WWOX: variants seen among roughly 807,000 people sequenced by gnomAD.
WWOX encodes the protein WW domain-containing oxidoreductase.
In WWOX, 69 loss-of-function variants were observed where a neutral mutation model predicts 46.2. The ratio of observed to expected loss-of-function variants is 1.49; its 90% CI spans 1.23 to 1.82. WWOX has a LOEUF of 1.82. WWOX is among the 40% of genes most tolerant of loss of function. The pLI is 0.00. For missense variants in WWOX, 919 were observed against 542.6 expected, an observed-to-expected ratio of 1.69 and a Z score of -6.89; for synonymous variants, 359 against 202.6, an observed-to-expected ratio of 1.77 and a Z score of -6.56.
intron 8 of WWOX, among the ~76,000 whole-genome samples, chr16:78,508,212 T>C (rs1349923976): frequency 1.3e-5 from 2 of 151,902 alleles, no homozygotes; most frequent in South Asian, 2.1e-4. Context: ...GGTTTCGCCA[T>C]GTTGGCCGGG....
At chr16:79,114,263 C>T (rs1019675001) in intron 8 of WWOX, among the ~76,000 whole-genome samples, 8 of 151,898 alleles carry the variant, frequency 5.3e-5, no homozygotes, top group African/African-American at 1.9e-4. Context: ...AGGGTCTTTG[C>T]AGATGTCATC....
chr16:78,533,394 T>C (rs1311350063), intron 8 of WWOX, among the ~76,000 whole-genome samples: 3 of 142,898 alleles, frequency 2.1e-5, no homozygotes, highest in Non-Finnish European at 3.1e-5. Context: ...GCACATAATA[T>C]ACAATTGTTG....
At chr16:78,899,728 T>A (rs1338841582) in intron 8 of WWOX, 1 of 152,206 alleles carries the variant, frequency 6.6e-6, no homozygotes, top group Non-Finnish European at 1.5e-5. Flanking sequence ...GTTTTAAAAG[T>A]TTAAGGAGAT....
intron 5 of WWOX, among the ~76,000 whole-genome samples, chr16:78,247,623 C>G (rs1367596987): frequency 6.6e-6 from 1 of 152,194 alleles, no homozygotes; most frequent in African/African-American, 2.4e-5. Context: ...CACCTGCCCC[C>G]TGCCCCTTAT....
chr16:79,091,647 C>G (rs546303256), intron 8 of WWOX, among the ~76,000 whole-genome samples: 1 of 152,126 alleles, frequency 6.6e-6, no homozygotes, highest in Non-Finnish European at 1.5e-5. Flanking sequence ...AATTTAGAAG[C>G]TCCTACTGAC....
intron 8 of WWOX, among the ~76,000 whole-genome samples, chr16:78,641,467 C>G (rs1017684729): frequency 6.6e-6 from 1 of 152,082 alleles, no homozygotes; most frequent in African/African-American, 2.4e-5. Context: ...AACCTCTCCC[C>G]ACCCAATCCC....
chr16:78,678,310 A>T (rs2047651604), intron 8 of WWOX, among the ~76,000 whole-genome samples: 1 of 152,186 alleles, frequency 6.6e-6, no homozygotes, highest in Non-Finnish European at 1.5e-5. Flanking sequence ...CAGGAGGTCA[A>T]GGCTGCAGTA....
intron 8 of WWOX, among the ~76,000 whole-genome samples, chr16:78,798,440 T>C (rs1201118056): frequency 1.3e-5 from 2 of 152,198 alleles, no homozygotes; most frequent in Non-Finnish European, 2.9e-5. Context: ...AAAGCTATTT[T>C]ATCATTAATA....
At chr16:78,904,837 A>T (rs1218545827) in intron 8 of WWOX, among the ~76,000 whole-genome samples, 1 of 152,154 alleles carries the variant, frequency 6.6e-6, no homozygotes, top group African/African-American at 2.4e-5. Flanking sequence ...TTCTTAATTA[A>T]GTGCAGGAAA....
chr16:79,175,238 GC>G (rs1046592435), intron 8 of WWOX, among the ~76,000 whole-genome samples: 1 of 152,206 alleles, frequency 6.6e-6, no homozygotes, highest in Non-Finnish European at 1.5e-5. Flanking sequence ...TTGCTGAAGT[GC>G]TTCTCAGTGA....
intron 8 of WWOX, among the ~76,000 whole-genome samples, chr16:79,187,921 C>A (rs186792764): frequency 6.6e-6 from 1 of 152,058 alleles, no homozygotes. Flanking sequence ...TTCCTGTGCA[C>A]CAGGCATGGA....
chr16:78,643,572 C>A (rs1221029994), intron 8 of WWOX, among the ~76,000 whole-genome samples: 1 of 152,112 alleles, frequency 6.6e-6, no homozygotes, highest in South Asian at 2.1e-4. Context: ...GCCTTCCAGC[C>A]CCCTGTAGGA....
intron 5 of WWOX, among the ~76,000 whole-genome samples, chr16:78,306,361 C>T (rs976314445): frequency 6.6e-6 from 1 of 152,026 alleles, no homozygotes; most frequent in African/African-American, 2.4e-5. Flanking sequence ...ACTGGTCAGG[C>T]GATCAGGGAT....
intron 8 of WWOX, among the ~76,000 whole-genome samples, chr16:78,549,259 T>A (rs891113542): frequency 5.9e-5 from 9 of 152,208 alleles, no homozygotes; most frequent in Non-Finnish European, 1.0e-4. Flanking sequence ...ACGAATAGAT[T>A]CATTCTTCAC....
At chr16:78,455,728 A>G (rs1020188324) in intron 8 of WWOX, among the ~76,000 whole-genome samples, 7 of 151,650 alleles carry the variant, frequency 4.6e-5, no homozygotes, top group East Asian at 1.9e-4. Context: ...GACAAATTCA[A>G]TATTATAGCA....
intron 4 of WWOX, among the ~76,000 whole-genome samples, chr16:78,136,911 A>C (rs1345398168): frequency 6.6e-6 from 1 of 152,178 alleles, no homozygotes; most frequent in Non-Finnish European, 1.5e-5. Context: ...AGACCTTCGC[A>C]GAGGGCAGAC....
rs199726097 is a variant in WWOX, at chr16:78,547,127, G to GAAAAAAAAAAAA, written c.1056+114396_1056+114407dup. Among the ~76,000 whole-genome samples, 33 of 87,492 alleles carry GAAAAAAAAAAAA rather than the reference G, an allele frequency of 3.8e-4. 1 individual carries two copies. Among genetic ancestry groups the GAAAAAAAAAAAA allele is most frequent in the East Asian group, 1.2e-3 (4 of 3,210 alleles). 57.4% of individuals were successfully genotyped at this position (87,492 alleles called of 152,430 possible). A position where few individuals can be genotyped will look rare whatever the true frequency, so the allele number is the denominator to read the frequency against. On this transcript the variant is annotated intron_variant, in intron 8 of 8. Coordinates refer to ENST00000566780, the MANE Select transcript of WWOX (RefSeq NM_016373.4). ...TGGGAGAGTGTGAGACCTTGTCTCA[G>GAAAAAAAAAAAA]AAAAAAAAAAAAAAAAAAAAAAAAA...
intron 8 of WWOX, among the ~76,000 whole-genome samples, chr16:78,463,544 G>A (rs1230143862): frequency 2.0e-5 from 3 of 152,158 alleles, no homozygotes. Context: ...GTTTTGAGTA[G>A]GATATGGCTT....
intron 8 of WWOX, among the ~76,000 whole-genome samples, chr16:78,659,608 G>A (rs946896820): frequency 3.3e-5 from 5 of 152,094 alleles, no homozygotes; most frequent in African/African-American, 1.2e-4. Context: ...CACTTGCTTT[G>A]CAAAGCACTG....
Sources: gnomAD v4.1 joint callset for allele counts (sites outside exome capture counted in the v4.1 genomes callset) on GRCh38, gnomAD v4.1.1 for gene constraint, MANE v1.5 for transcripts, NCBI Gene and HGNC (gene_info 2026-07-23, HGNC 2026-07-21) for gene names.